Variants in SLC2A8 observed in about 807,000 individuals in gnomAD.
SLC2A8 encodes the protein solute carrier family 2 member 8.
In SLC2A8, 53 loss-of-function variants were observed where a neutral mutation model predicts 49.2. The ratio of observed to expected loss-of-function variants is 1.08; its 90% CI spans 0.86 to 1.35. The LOEUF (loss-of-function observed/expected upper bound fraction) is 1.35, where lower values mean the gene tolerates loss of function less well. SLC2A8 is among the 40% of genes most tolerant of loss of function. SLC2A8 has a pLI of 0.00. For synonymous variants in SLC2A8, 299 were observed against 297.0 expected, an observed-to-expected ratio of 1.01 and a Z score of -0.07; for missense variants, 688 against 671.7, an observed-to-expected ratio of 1.02 and a Z score of -0.27.
intron 3 of SLC2A8, chr9:127,398,432 C>G (rs1385291824): frequency 3.0e-6 from 2 of 672,614 alleles, no homozygotes; most frequent in East Asian, 6.1e-5. Context: ...CTCTTTTGCT[C>G]TGCAAACCTG....
At position 127,399,953 on chromosome 9, in the gene SLC2A8, G is replaced by A. The variant is rs1833211240; in HGVS notation, c.473G>A (p.Gly158Asp). Residue 158 changes from glycine (G) to aspartate (D), a missense_variant, in exon 4 of 10, where the codon GGC becomes GAC. Physicochemically the swap from Gly to Asp is moderately conservative, Grantham distance 94. Transcript: ENST00000373371. The surrounding 1 kb of genome is among the most constrained non-coding windows in gnomAD (Gnocchi z 4.2). ...TACCCAGCAGTCCGGGGGTTGCTCG[G>A]CTCCTGTGTGCAGCTAATGGTCGTC... The part of the protein sequence containing the change: ...IAYPAVRGLL[G>D]SCVQLMVVVG... The A allele has an allele frequency of 1.2e-6, 2 of 1,613,600 alleles. No homozygotes were observed. Among genetic ancestry groups the A allele is most frequent in the South Asian group, 1.1e-5 (1 of 91,026 alleles).
rs542434395 is a variant in SLC2A8 at position 127,404,736 on chromosome 9, C to T, written c.977-82C>T. The T allele has an allele frequency of 1.9e-3, 2,833 of 1,467,190 alleles. 2 individuals are homozygous for T. Among genetic ancestry groups the T allele is most frequent in the Non-Finnish European group, 2.5e-3 (2,664 of 1,086,612 alleles). 90.9% of individuals were successfully genotyped at this position (1,467,190 alleles called of 1,614,324 possible). A position where few individuals can be genotyped will look rare whatever the true frequency, so the allele number is the denominator to read the frequency against. ...CGTTCTCTGGGAGCCGGGCCTGCCC[C>T]TCTCAGAGGCATCCAGGCCATGCTG... On this transcript the variant is annotated intron_variant, in intron 7 of 9. Coordinates refer to ENST00000373371, the MANE Select transcript of SLC2A8 (RefSeq NM_014580.5).
chr9:127,399,932 C>T lies in SLC2A8; in HGVS notation c.452C>T (p.Pro151Leu), dbSNP rs1444179646. The change falls in exon 4 of 10, where the codon CCA (proline) becomes CTA (leucine). Residue 151 changes from proline (P) to leucine (L), a missense_variant. Transcript: ENST00000373371. The surrounding 1 kb of genome is among the most constrained non-coding windows in gnomAD (Gnocchi z 4.2). The stretch of plus-strand genomic sequence containing the variant: ...GTCTACATCTCCGAAATCGCCTACC[C>T]AGCAGTCCGGGGGTTGCTCGGCTCC... Reference protein sequence around the residue: ...APVYISEIAYPAVRGLLGSCV... With the variant: ...APVYISEIAYLAVRGLLGSCV... 1.2e-6 allele frequency: 2 copies of T among 1,613,734 alleles called. No homozygotes were observed. The highest frequency in any genetic ancestry group is 1.3e-5 in the African/African-American group (1 of 74,880).
At chr9:127,401,601 A>G (rs1397352424) in intron 4 of SLC2A8, among the ~76,000 whole-genome samples, 5 of 152,310 alleles carry the variant, frequency 3.3e-5, no homozygotes, top group Admixed American at 3.3e-4. Flanking sequence ...CCGTGGCACT[A>G]TCTTCAGCTC....
intron 2 of SLC2A8, 48 bp from the exon 3 acceptor site, chr9:127,397,857 A>G: frequency 7.0e-7 from 1 of 1,427,400 alleles, no homozygotes; most frequent in Non-Finnish European, 9.2e-7. Context: ...GAGGGGGAGG[A>G]TGGGCTGCGG....
intron 7 of SLC2A8, chr9:127,404,476 A>C: frequency 9.6e-5 from 30 of 312,972 alleles, no homozygotes; most frequent in South Asian, 2.3e-4. Context: ...GAGGTGATCC[A>C]CGTGAGGCCT....
At chr9:127,397,311 G>A (rs1833059340) in intron 1 of SLC2A8, 25 bp downstream of exon 1, 1 of 1,379,808 alleles carries the variant, frequency 7.2e-7, no homozygotes, top group East Asian at 3.1e-5. Flanking sequence ...ACCCGGGCCC[G>A]GATGCGGCCT....
rs1833068254 is a variant in SLC2A8, at chr9:127,397,411, T to G, written c.92T>G (p.Phe31Cys). 2.7e-6 allele frequency: 4 copies of G among 1,476,020 alleles called. No homozygotes were observed. Among genetic ancestry groups the G allele is most frequent in the African/African-American group, 2.9e-5 (2 of 68,124 alleles). The allele number at this position is 1,476,020 out of a possible 1,614,324, so 91.4% of individuals were successfully genotyped here. A position where few individuals can be genotyped will look rare whatever the true frequency, so the allele number is the denominator to read the frequency against. The change falls in exon 2 of 10, where the codon TTC (phenylalanine) becomes TGC (cysteine). Residue 31 changes from phenylalanine (F) to cysteine (C), a missense_variant. By Grantham distance (205) the Phe-to-Cys change is radical. Transcript: ENST00000373371. ...GGCCGCCGCGTCTTCCTCGCCGCCT[T>G]CGCCGCTGCCCTGGGCCCACTCAGC... ...PRGRRVFLAA[F>C]AAALGPLSFG...
chr9:127,405,197 G>C (rs1833447582), intron 8 of SLC2A8, among the ~76,000 whole-genome samples: 1 of 152,228 alleles, frequency 6.6e-6, no homozygotes, highest in African/African-American at 2.4e-5. Context: ...CAGCCCTCGA[G>C]CAGGCCCCGT....
Position 127,407,641 on chromosome 9 carries a change from G to A in SLC2A8, c.*392G>A, listed in dbSNP as rs555055113. On this transcript the variant is annotated 3_prime_UTR_variant, in exon 10 of 10. Coordinates refer to ENST00000373371, the MANE Select transcript of SLC2A8 (RefSeq NM_014580.5). ...GCCTTATCGGGAAGGAAATTTGTTT[G>A]CCAAATAAAGACTGACACAGAAAAT... 25 of 354,794 alleles carry A rather than the reference G, an allele frequency of 7.0e-5. No homozygotes were observed. The highest frequency in any genetic ancestry group is 3.8e-4 in the Admixed American group (10 of 26,226). The allele number at this position is 354,794 out of a possible 1,614,324, so 22.0% of individuals were successfully genotyped here.
chr9:127,398,334 G>A (rs888199399), intron 3 of SLC2A8: 2 of 779,116 alleles, frequency 2.6e-6, no homozygotes, highest in African/African-American at 3.4e-5. Context: ...GTCTCGGAAA[G>A]GTGAAGTCCT....
In SLC2A8 at chr9:127,397,262, C is replaced by A. The variant is rs778222944; in HGVS notation, c.32C>A (p.Pro11Gln). Residue 11 changes from proline (P) to glutamine (Q), a missense_variant, in exon 1 of 10, where the codon CCG becomes CAG. Coordinates refer to ENST00000373371, the MANE Select transcript of SLC2A8 (RefSeq NM_014580.5). Reference sequence around the variant, plus strand: ...CCCGAGGACCCAGAGGAAACCCAGCCGCTTCTGGGGCCTCCTGGCGGCAGG... The same window carrying A: ...CCCGAGGACCCAGAGGAAACCCAGCAGCTTCTGGGGCCTCCTGGCGGCAGG... MTPEDPEETQ[P>Q]LLGPPGGSAP... 5 of 1,422,254 alleles carry A rather than the reference C, an allele frequency of 3.5e-6. No individual in the cohort carries two copies. The highest frequency in any genetic ancestry group is 2.1e-4 in the Middle Eastern group (1 of 4,668). 88.1% of individuals were successfully genotyped at this position (1,422,254 alleles called of 1,614,324 possible).
chr9:127,398,552 G>T (rs927354053), intron 3 of SLC2A8, among the ~76,000 whole-genome samples: 1 of 152,170 alleles, frequency 6.6e-6, no homozygotes, highest in African/African-American at 2.4e-5. Flanking sequence ...TGGGGCAAAG[G>T]CTGCTGGCCT....
intron 3 of SLC2A8, chr9:127,398,312 T>A: frequency 1.3e-6 from 1 of 783,868 alleles, no homozygotes; most frequent in Non-Finnish European, 2.4e-6. Context: ...TACACTGAGG[T>A]CATGACATGC....
intron 2 of SLC2A8, 69 bp downstream of exon 2, chr9:127,397,607 C>A (rs1833081440): frequency 7.3e-7 from 1 of 1,362,212 alleles, no homozygotes; most frequent in African/African-American, 1.5e-5. Context: ...GCATCGGGAC[C>A]CTCCGCCCCC....
rs763870533 is a variant in SLC2A8 at position 127,398,048 on chromosome 9, G to A, written c.363G>A (p.Trp121Ter). ...TCATCACCGCGGCCCAGGACGTGTG[G>A]ATGCTGCTGGGGGGCCGCCTCCTCA... Reference protein sequence around the residue: ...FAVITAAQDVWMLLGGRLLTG... With the variant: ...FAVITAAQDV Residue 121 changes from tryptophan to a stop codon, truncating the protein, a stop_gained, in exon 3 of 10, where the codon TGG becomes TGA. Coordinates refer to ENST00000373371, the MANE Select transcript of SLC2A8 (RefSeq NM_014580.5). LOFTEE classifies it high-confidence loss of function. 7 of 1,588,420 alleles carry A rather than the reference G, an allele frequency of 4.4e-6. No homozygotes were observed. The highest frequency in any genetic ancestry group is 4.3e-6 in the Non-Finnish European group (5 of 1,173,854).
chr9:127,404,636 C>A, intron 7 of SLC2A8, 182 bp from the exon 8 acceptor site: 1 of 648,282 alleles, frequency 1.5e-6, no homozygotes, highest in Non-Finnish European at 2.6e-6. Flanking sequence ...TTTTGCAGTT[C>A]GCTGAGGTCC....
chr9:127,397,681 T>A, intron 2 of SLC2A8, 143 bp downstream of exon 2: 1 of 1,209,932 alleles, frequency 8.3e-7, no homozygotes, highest in Admixed American at 3.6e-5. Context: ...GAGACAGGCA[T>A]TGGGCCTCTC....
intron 9 of SLC2A8, 60 bp from the exon 10 acceptor site, chr9:127,407,052 A>C (rs1331916694): frequency 6.3e-7 from 1 of 1,593,506 alleles, no homozygotes; most frequent in Non-Finnish European, 8.6e-7. Context: ...TGTCTCAGTG[A>C]TCGCGTGGGG....
Sources: allele counts gnomAD v4.1 joint callset (sites outside exome capture counted in the v4.1 genomes callset), GRCh38; gene constraint gnomAD v4.1.1; non-coding constraint Gnocchi (gnomAD v3.1); transcripts MANE v1.5; gene names NCBI Gene and HGNC (gene_info 2026-07-23, HGNC 2026-07-21).